Variants in CTTNBP2NL observed in about 807,000 individuals in gnomAD.
CTTNBP2NL encodes CTTNBP2 N-terminal like, also known as CTTNBP2 N-terminal-like protein.
CTTNBP2NL carries 16 observed loss-of-function variants against 32.5 expected under a neutral mutation model. That is an observed-to-expected ratio of 0.49 (90% confidence interval 0.33 to 0.75). The LOEUF is 0.75. Among genes scored for constraint, CTTNBP2NL ranks in the 30% least tolerant of loss-of-function variants. CTTNBP2NL has a pLI of 0.02. For synonymous variants in CTTNBP2NL, 298 were observed against 289.4 expected (o/e 1.03, Z -0.30); for missense variants, 645 against 756.0 (o/e 0.85, Z 1.72).
At chr1:112,412,141 C>T (rs1322359500) in intron 1 of CTTNBP2NL, 53 bp from the exon 2 acceptor site, 3 of 152,132 alleles carry the variant, frequency 2.0e-5, no homozygotes, top group Admixed American at 1.3e-4. Context: ...TGGGATTTAC[C>T]AAGTTGTTTA....
At chr1:112,416,704 G>C (rs1331637451) in intron 3 of CTTNBP2NL, among the ~76,000 whole-genome samples, 1 of 152,042 alleles carries the variant, frequency 6.6e-6, no homozygotes, top group Non-Finnish European at 1.5e-5. Context: ...TGTTGGCCAG[G>C]ATGGTCTTGA....
At chr1:112,440,469 G>A (rs1649863060) in intron 3 of CTTNBP2NL, among the ~76,000 whole-genome samples, 1 of 152,166 alleles carries the variant, frequency 6.6e-6, no homozygotes, top group Non-Finnish European at 1.5e-5. Flanking sequence ...TTTTTGGACA[G>A]TAACACATAT....
upstream of CTTNBP2NL, among the ~76,000 whole-genome samples, chr1:112,393,899 G>A (rs1648243321): frequency 6.6e-6 from 1 of 152,142 alleles, no homozygotes; most frequent in African/African-American, 2.4e-5. Flanking sequence ...CAGCTACAAA[G>A]GGAATGAGGG....
At chr1:112,427,625 G>A (rs1649439397) in intron 3 of CTTNBP2NL, among the ~76,000 whole-genome samples, 1 of 152,162 alleles carries the variant, frequency 6.6e-6, no homozygotes, top group African/African-American at 2.4e-5. Context: ...GCTGGGTGTG[G>A]TGGCTCATGC....
chr1:112,403,557 G>A (rs1648569016), intron 1 of CTTNBP2NL, among the ~76,000 whole-genome samples: 1 of 152,204 alleles, frequency 6.6e-6, no homozygotes, highest in Non-Finnish European at 1.5e-5. Context: ...AATTACGAAT[G>A]TAGATACATA....
chr1:112,419,918 T>C (rs1649171821), intron 3 of CTTNBP2NL, among the ~76,000 whole-genome samples: 2 of 152,172 alleles, frequency 1.3e-5, no homozygotes, highest in Admixed American at 6.6e-5. Flanking sequence ...GTGGTTTCGA[T>C]CATTGATAAA....
intron 3 of CTTNBP2NL, among the ~76,000 whole-genome samples, chr1:112,447,109 T>C (rs942533251): frequency 3.3e-5 from 5 of 151,338 alleles, no homozygotes; most frequent in African/African-American, 9.7e-5. Context: ...CCCGTCTCTA[T>C]TAAAAAATAC....
chr1:112,432,797 T>C (rs2488791), intron 3 of CTTNBP2NL, among the ~76,000 whole-genome samples: 83,655 of 151,502 alleles, frequency 0.55, 24,217 homozygotes, highest in South Asian at 0.71. Context: ...TCCTTCTAAG[T>C]TACCACCCTA....
rs527757992 is a variant in CTTNBP2NL at position 112,410,742 on chromosome 1, A to T, written c.-133-1452A>T. ...GCTCTTCGGAGTTACTGATGATGAAAATGACAAGTGACAGCTTACTTAGAA... is the reference window on the plus strand; with the variant it reads ...GCTCTTCGGAGTTACTGATGATGAATATGACAAGTGACAGCTTACTTAGAA... On this transcript the variant is annotated intron_variant, in intron 1 of 5. Transcript: ENST00000271277. 3.3e-5 allele frequency among the ~76,000 whole-genome samples: 5 copies of T among 152,232 alleles called. No homozygotes were observed. The South Asian group carries it at 1.0e-3, about 32-fold the overall frequency.
At chr1:112,424,754 C>A (rs1426513666) in intron 3 of CTTNBP2NL, among the ~76,000 whole-genome samples, 1 of 152,080 alleles carries the variant, frequency 6.6e-6, no homozygotes, top group Non-Finnish European at 1.5e-5. Flanking sequence ...CAGATTTACC[C>A]TAAGTGTTTC....
intron 1 of CTTNBP2NL, among the ~76,000 whole-genome samples, chr1:112,398,652 A>G (rs61818711): frequency 0.027 from 4,109 of 152,074 alleles, 85 homozygotes; most frequent in South Asian, 0.061. Flanking sequence ...TCTTATAAAG[A>G]AATATCTGTG....
chr1:112,453,254 T>C (rs988877738), intron 4 of CTTNBP2NL, among the ~76,000 whole-genome samples: 14 of 152,066 alleles, frequency 9.2e-5, no homozygotes, highest in Non-Finnish European at 2.1e-4. Context: ...ATTTTTATTT[T>C]TATAGACAGG....
At position 112,459,070 on chromosome 1, in the gene CTTNBP2NL, C is replaced by T. The variant is rs1414133061; in HGVS notation, c.*1658C>T. ...TCCAAATTTTCATGAGAAACATTCTCATTTTTAAATATCAAGAAGTGATTT... is the reference window on the plus strand; with the variant it reads ...TCCAAATTTTCATGAGAAACATTCTTATTTTTAAATATCAAGAAGTGATTT... On this transcript the variant is annotated 3_prime_UTR_variant, in exon 6 of 6. Coordinates refer to ENST00000271277, the MANE Select transcript of CTTNBP2NL (RefSeq NM_018704.3). 1 of 152,228 alleles carries T rather than the reference C, an allele frequency of 6.6e-6. No homozygotes were observed. Among genetic ancestry groups the T allele is most frequent in the Non-Finnish European group, 1.5e-5 (1 of 68,042 alleles). The allele number at this position is 152,228 out of a possible 1,614,324, so 9.4% of individuals were successfully genotyped here.
intron 3 of CTTNBP2NL, among the ~76,000 whole-genome samples, chr1:112,432,274 C>T (rs544113004): frequency 2.6e-5 from 4 of 151,858 alleles, no homozygotes; most frequent in South Asian, 4.2e-4. Context: ...AGGGTTTCAC[C>T]GTGGTCTCGA....
upstream of CTTNBP2NL, among the ~76,000 whole-genome samples, chr1:112,394,932 A>G (rs937425975): frequency 6.6e-6 from 1 of 152,256 alleles, no homozygotes; most frequent in Non-Finnish European, 1.5e-5. Flanking sequence ...TTTCTCATAC[A>G]GCACTGAAAA....
At chr1:112,435,051 G>T (rs745443124) in intron 3 of CTTNBP2NL, among the ~76,000 whole-genome samples, 2 of 148,172 alleles carry the variant, frequency 1.3e-5, no homozygotes, top group African/African-American at 2.5e-5. Context: ...GCTGAGGCAG[G>T]AGAATCACTT....
upstream of CTTNBP2NL, among the ~76,000 whole-genome samples, chr1:112,394,598 A>T (rs754393044): frequency 2.0e-5 from 3 of 152,166 alleles, no homozygotes; most frequent in Non-Finnish European, 2.9e-5. Context: ...ATTCACTTAC[A>T]CTGCTATCGA....
At chr1:112,431,601 T>C (rs1248136648) in intron 3 of CTTNBP2NL, among the ~76,000 whole-genome samples, 1 of 152,248 alleles carries the variant, frequency 6.6e-6, no homozygotes, top group East Asian at 1.9e-4. Flanking sequence ...ATTGAAGCAT[T>C]GTTTAATACA....
At chr1:112,415,016 C>T (rs949010654) in intron 2 of CTTNBP2NL, 11 of 151,890 alleles carry the variant, frequency 7.2e-5, no homozygotes, top group South Asian at 2.1e-4. Flanking sequence ...AGGGAGACCC[C>T]ATTTCTACAA....
Sources: allele counts gnomAD v4.1 joint callset (sites outside exome capture counted in the v4.1 genomes callset), GRCh38; gene constraint gnomAD v4.1.1; transcripts MANE v1.5; gene names NCBI Gene and HGNC (gene_info 2026-07-23, HGNC 2026-07-21).